Variants in SEMA5A observed in about 807,000 individuals in gnomAD.
The protein encoded by SEMA5A is semaphorin-5A.
A neutral mutation model predicts 135.5 loss-of-function variants in SEMA5A; 55 were observed. The ratio of observed to expected loss-of-function variants is 0.41; its 90% CI spans 0.33 to 0.51. SEMA5A has a LOEUF of 0.51. Among genes scored for constraint, SEMA5A ranks in the 20% least tolerant of loss-of-function variants. The probability of loss-of-function intolerance (pLI) is 0.37; values close to 1 mark genes in which losing one functional copy is unlikely to be tolerated. For synonymous variants in SEMA5A, 580 were observed against 546.5 expected (o/e 1.06, Z -0.85); for missense variants, 1,290 against 1,419.9 (o/e 0.91, Z 1.47).
At chr5:9,178,401 T>G (rs1270762216) in intron 11 of SEMA5A, among the ~76,000 whole-genome samples, 2 of 150,788 alleles carry the variant, frequency 1.3e-5, no homozygotes, top group Non-Finnish European at 3.0e-5. Flanking sequence ...GGTGCAGTCT[T>G]GGGTCACTGC....
chr5:9,438,842 T>A (rs1758128193), intron 1 of SEMA5A, among the ~76,000 whole-genome samples: 1 of 152,188 alleles, frequency 6.6e-6, no homozygotes, highest in Non-Finnish European at 1.5e-5. Context: ...TCAGTCATGA[T>A]CCGAGGCCAT....
intron 5 of SEMA5A, among the ~76,000 whole-genome samples, chr5:9,282,091 G>A (rs572338482): frequency 4.1e-4 from 63 of 152,184 alleles, no homozygotes; most frequent in African/African-American, 1.3e-3. Context: ...GATTACAGAC[G>A]TGAGCCACCG....
At chr5:9,200,428 G>A (rs1806110) in intron 9 of SEMA5A, among the ~76,000 whole-genome samples, 17,506 of 152,180 alleles carry the variant, frequency 0.12, 1,777 homozygotes, top group African/African-American at 0.25. Context: ...CTCTCCTTGT[G>A]CATAAAACTG....
At chr5:9,228,084 G>A (rs1460791601) in intron 6 of SEMA5A, among the ~76,000 whole-genome samples, 3 of 152,112 alleles carry the variant, frequency 2.0e-5, no homozygotes, top group Non-Finnish European at 4.4e-5. Context: ...CTCCTCTTTG[G>A]TAGCCACTGG....
chr5:9,066,749 G>A, intron 16 of SEMA5A, 103 bp from the exon 17 acceptor site: 1 of 922,830 alleles, frequency 1.1e-6, no homozygotes, highest in Non-Finnish European at 1.7e-6. Context: ...TAAAACACCA[G>A]CTCCTAAGAC....
chr5:9,118,936 G>A (rs1740659660), intron 15 of SEMA5A, 62 bp downstream of exon 15: 16 of 1,577,732 alleles, frequency 1.0e-5, no homozygotes, highest in Admixed American at 3.6e-5. Flanking sequence ...CGGGGAACTC[G>A]ACCTGGCCGG....
At chr5:9,094,019 C>T (rs2150129061) in intron 16 of SEMA5A, among the ~76,000 whole-genome samples, 1 of 152,356 alleles carries the variant, frequency 6.6e-6, no homozygotes, top group South Asian at 2.1e-4. Flanking sequence ...TCATGTTCCA[C>T]TCAGTGTTCT....
At chr5:9,471,151 C>G (rs1368799916) in intron 1 of SEMA5A, among the ~76,000 whole-genome samples, 4 of 152,080 alleles carry the variant, frequency 2.6e-5, no homozygotes, top group Non-Finnish European at 5.9e-5. Flanking sequence ...AATTTAGGAA[C>G]CAGGAGAACC....
intron 1 of SEMA5A, among the ~76,000 whole-genome samples, chr5:9,482,133 G>T (rs1385037364): frequency 6.6e-6 from 1 of 152,182 alleles, no homozygotes; most frequent in Non-Finnish European, 1.5e-5. Context: ...ACCAAGTCCA[G>T]TTGAGTACAG....
chr5:9,064,548 A>T (rs1737357717), intron 17 of SEMA5A, among the ~76,000 whole-genome samples: 2 of 58,802 alleles, frequency 3.4e-5, no homozygotes, highest in African/African-American at 1.1e-4. Flanking sequence ...CAAGAACAAA[A>T]AACCCAAACA....
chr5:9,114,948 G>C (rs1228547557), intron 15 of SEMA5A, among the ~76,000 whole-genome samples: 1 of 152,176 alleles, frequency 6.6e-6, no homozygotes, highest in Non-Finnish European at 1.5e-5. Flanking sequence ...CCTTTCTAGA[G>C]CAAGTGTGTG....
At chr5:9,090,642 A>G (rs1017994686) in intron 16 of SEMA5A, among the ~76,000 whole-genome samples, 2 of 152,224 alleles carry the variant, frequency 1.3e-5, no homozygotes, top group African/African-American at 4.8e-5. Context: ...ACAATGCCTA[A>G]GAAACTACTC....
At chr5:9,135,952 T>C (rs1328043872) in intron 13 of SEMA5A, among the ~76,000 whole-genome samples, 1 of 152,208 alleles carries the variant, frequency 6.6e-6, no homozygotes. Flanking sequence ...TGGCTCTCAA[T>C]ACAGGTGAGT....
intron 1 of SEMA5A, among the ~76,000 whole-genome samples, chr5:9,464,306 G>A (rs989975276): frequency 1.3e-5 from 2 of 152,024 alleles, no homozygotes; most frequent in African/African-American, 4.8e-5. Flanking sequence ...ATAGTTACAG[G>A]AAAAAAACAG....
chr5:9,249,709 A>T (rs189752599), intron 5 of SEMA5A, among the ~76,000 whole-genome samples: 18 of 152,270 alleles, frequency 1.2e-4, no homozygotes, highest in African/African-American at 4.1e-4. Context: ...GAAGGGGAAC[A>T]CTCAACCCAG....
In SEMA5A at chr5:9,219,883, G is replaced by A. The variant is rs543610042; in HGVS notation, c.646+4791C>T. Among the ~76,000 whole-genome samples the A allele has an allele frequency of 1.2e-4, 18 of 152,288 alleles. No individual in the cohort carries two copies. In the East Asian group the frequency reaches 2.7e-3, roughly 23 times the overall value. ...GAGCATCCAGCTGGAAGTGAACATC[G>A]CATCTGTGGACTAAGTCGGAGCTGA... is the stretch of plus-strand genomic sequence containing the variant. On this transcript the variant is annotated intron_variant, in intron 8 of 22. Coordinates refer to ENST00000382496, the MANE Select transcript of SEMA5A (RefSeq NM_003966.3).
At chr5:9,120,455 A>G (rs1740753019) in intron 14 of SEMA5A, among the ~76,000 whole-genome samples, 1 of 152,140 alleles carries the variant, frequency 6.6e-6, no homozygotes, top group African/African-American at 2.4e-5. Flanking sequence ...TAAAATATGT[A>G]GTAATAGCTT....
chr5:9,323,564 T>C (rs1402674635), intron 4 of SEMA5A, among the ~76,000 whole-genome samples: 2 of 152,140 alleles, frequency 1.3e-5, no homozygotes, highest in African/African-American at 4.8e-5. Context: ...TGTATATTCA[T>C]GCCAGTTGAT....
intron 16 of SEMA5A, among the ~76,000 whole-genome samples, chr5:9,076,203 C>CAAAAAAA (rs55743535): frequency 1.1e-5 from 1 of 89,896 alleles, no homozygotes; most frequent in Non-Finnish European, 2.2e-5. Flanking sequence ...GACTCCATCT[C>CAAAAAAA]AAAAAAAAAA....
Sources: gnomAD v4.1 joint callset for allele counts (sites outside exome capture counted in the v4.1 genomes callset) on GRCh38, gnomAD v4.1.1 for gene constraint, MANE v1.5 for transcripts, NCBI Gene and HGNC (gene_info 2026-07-23, HGNC 2026-07-21) for gene names.